Variants in PRELID2 observed in about 807,000 individuals in gnomAD.
The protein encoded by PRELID2 is PRELI domain-containing protein 2.
A neutral mutation model predicts 28.4 loss-of-function variants in PRELID2; 25 were observed. The ratio of observed to expected loss-of-function variants is 0.88; its 90% CI spans 0.64 to 1.23. The LOEUF (loss-of-function observed/expected upper bound fraction) is 1.23, where lower values mean the gene tolerates loss of function less well. PRELID2 is among the 50% of genes most tolerant of loss of function. PRELID2 has a pLI of 0.00. For synonymous variants in PRELID2, 76 were observed against 71.6 expected (o/e 1.06, Z -0.31); for missense variants, 201 against 214.4 (o/e 0.94, Z 0.39).
rs1220471118 is a variant in PRELID2 at position 145,807,663 on chromosome 5, C to A, written c.368+10231G>T. ...ACCAAATCCTACTGGGCTTCCCCTG[C>A]ACTTACCCTGCAGCAAATTCCTTCT... is the stretch of plus-strand genomic sequence containing the variant. On this transcript the variant is annotated intron_variant, in intron 4 of 6. Coordinates refer to ENST00000683046, the MANE Select transcript of PRELID2 (RefSeq NM_205846.3). 6.6e-5 allele frequency among the ~76,000 whole-genome samples: 10 copies of A among 152,240 alleles called. No homozygotes were observed. The East Asian group carries it at 1.9e-3, about 30-fold the overall frequency.
intron 1 of PRELID2, among the ~76,000 whole-genome samples, chr5:145,477,730 AT>A (rs1752116211): frequency 6.6e-6 from 1 of 152,216 alleles, no homozygotes; most frequent in Admixed American, 6.5e-5. Context: ...ACCAAGAGAA[AT>A]TAGCTTTAAA....
At chr5:145,428,731 C>G in the PRELID2 span, among the ~76,000 whole-genome samples, 1 of 151,924 alleles carries the variant, frequency 6.6e-6, no homozygotes, top group Non-Finnish European at 1.5e-5. Flanking sequence ...TTATTGGGGG[C>G]TATTTAAATA....
chr5:145,422,732 T>G, the PRELID2 span, among the ~76,000 whole-genome samples: 8 of 152,128 alleles, frequency 5.3e-5, no homozygotes, highest in Non-Finnish European at 8.8e-5. Context: ...TTAGTCCATT[T>G]ACATTTAAAG....
chr5:145,367,332 T>C, the PRELID2 span, among the ~76,000 whole-genome samples: 60 of 152,096 alleles, frequency 3.9e-4, no homozygotes, highest in Middle Eastern at 6.8e-3. Context: ...ACAGTAAAAC[T>C]GAGCAGAAGG....
chr5:145,825,225 C>CAAAAAAAAAAAAAAAAAA (rs56818178), intron 1 of PRELID2, among the ~76,000 whole-genome samples: 1 of 60,428 alleles, frequency 1.7e-5, no homozygotes, highest in African/African-American at 5.4e-5. Context: ...GACTCTGTCT[C>CAAAAAAAAAAAAAAAAAA]AAAAAAAAAA....
At chr5:145,742,430 G>A (rs1426037021) in intron 1 of PRELID2, among the ~76,000 whole-genome samples, 1 of 126,612 alleles carries the variant, frequency 7.9e-6, no homozygotes, top group Non-Finnish European at 1.6e-5. Context: ...AATCAAACCA[G>A]AAATCGATAA....
the PRELID2 span, among the ~76,000 whole-genome samples, chr5:145,385,461 T>C: frequency 2.0e-5 from 3 of 152,208 alleles, no homozygotes; most frequent in Non-Finnish European, 4.4e-5. Flanking sequence ...TCAGAAGCGA[T>C]AGTTGCCTGG....
rs191083094 is a variant in PRELID2, at chr5:145,551,270, G to A, written n.71-77955C>T. Among the ~76,000 whole-genome samples, 1,087 of 152,012 alleles carry A rather than the reference G, an allele frequency of 7.2e-3. 9 individuals are homozygous for A. Among genetic ancestry groups the A allele is most frequent in the Non-Finnish European group, 0.012 (847 of 67,950 alleles). On this transcript the variant is annotated intron_variant and non_coding_transcript_variant, in intron 1 of 2. Coordinates refer to the PRELID2 transcript ENST00000510259. Reference sequence around the variant, plus strand: ...ACAAAAATTAGCTGGGTGTGGTGGCGCGTGTCTGTAATTCCAGCTACTCGG... The same window carrying A: ...ACAAAAATTAGCTGGGTGTGGTGGCACGTGTCTGTAATTCCAGCTACTCGG...
At chr5:145,441,644 CA>C in the PRELID2 span, among the ~76,000 whole-genome samples, 6 of 152,078 alleles carry the variant, frequency 3.9e-5, no homozygotes, top group Non-Finnish European at 1.5e-5. Flanking sequence ...GGCTGATTTC[CA>C]TAATTCCTAG....
intron 1 of PRELID2, among the ~76,000 whole-genome samples, chr5:145,576,767 A>G (rs1033617303): frequency 6.6e-6 from 1 of 152,148 alleles, no homozygotes; most frequent in Non-Finnish European, 1.5e-5. Flanking sequence ...GGATAATTCT[A>G]GTTAACAGCA....
the PRELID2 span, among the ~76,000 whole-genome samples, chr5:145,459,794 T>C: frequency 6.6e-6 from 1 of 151,786 alleles, no homozygotes; most frequent in Non-Finnish European, 1.5e-5. Flanking sequence ...ATAGAAAACA[T>C]TTGAATAATT....
chr5:145,258,403 T>C, the PRELID2 span, among the ~76,000 whole-genome samples: 1 of 152,252 alleles, frequency 6.6e-6, no homozygotes, highest in South Asian at 2.1e-4. Context: ...AAAATGCTGA[T>C]AGTGATATGG....
At chr5:145,537,098 C>T (rs1362144688) in intron 1 of PRELID2, among the ~76,000 whole-genome samples, 1 of 151,776 alleles carries the variant, frequency 6.6e-6, no homozygotes, top group Non-Finnish European at 1.5e-5. Context: ...GTTTTCTATG[C>T]ATAGTTTTTA....
downstream of PRELID2, among the ~76,000 whole-genome samples, chr5:145,751,652 T>C (rs148806103): frequency 3.5e-3 from 533 of 152,346 alleles, no homozygotes; most frequent in African/African-American, 0.012. Flanking sequence ...AATACCATTT[T>C]TCCACAAAGC....
chr5:145,264,497 G>T, the PRELID2 span, among the ~76,000 whole-genome samples: 4 of 152,018 alleles, frequency 2.6e-5, no homozygotes, highest in African/African-American at 9.6e-5. Context: ...AAATCTTAAC[G>T]TAATAAAAGC....
At chr5:145,806,271 T>G (rs1389368691) in intron 4 of PRELID2, among the ~76,000 whole-genome samples, 2 of 152,208 alleles carry the variant, frequency 1.3e-5, no homozygotes, top group Non-Finnish European at 2.9e-5. Flanking sequence ...AATATTGTCT[T>G]TTAAATTCTT....
At position 145,760,020 on chromosome 5, in the gene PRELID2, C is replaced by T. The variant is rs1274967983; in HGVS notation, c.*516G>A. ...AAACATTGTTATAAATACGGCTTAG[C>T]TTCAACATAGGTCTGGTACATTCCT... On this transcript the variant is annotated 3_prime_UTR_variant, in exon 7 of 7. Transcript: ENST00000683046. 6.6e-6 allele frequency: 1 copy of T among 152,126 alleles called. No individual in the cohort carries two copies. Among genetic ancestry groups the T allele is most frequent in the Non-Finnish European group, 1.5e-5 (1 of 68,030 alleles). The allele number at this position is 152,126 out of a possible 1,614,324, so 9.4% of individuals were successfully genotyped here.
intron 1 of PRELID2, among the ~76,000 whole-genome samples, chr5:145,636,783 C>T (rs1754008699): frequency 6.6e-6 from 1 of 152,186 alleles, no homozygotes; most frequent in Admixed American, 6.5e-5. Flanking sequence ...AGGTTCCAAA[C>T]TTTGAAGACG....
chr5:145,518,522 A>G (rs559484641), intron 1 of PRELID2, among the ~76,000 whole-genome samples: 4 of 152,292 alleles, frequency 2.6e-5, no homozygotes, highest in South Asian at 2.1e-4. Context: ...GTACCTATTC[A>G]GAATAAAGTG....
Sources: gnomAD v4.1 joint callset for allele counts (sites outside exome capture counted in the v4.1 genomes callset) on GRCh38, gnomAD v4.1.1 for gene constraint, MANE v1.5 for transcripts, NCBI Gene and HGNC (gene_info 2026-07-23, HGNC 2026-07-21) for gene names.